The following BMPR1A variants were observed in gnomAD, a reference collection of about 807,000 sequenced individuals.
The protein encoded by BMPR1A is bone morphogenetic protein receptor type 1A, also known as bone morphogenetic protein receptor type-1A.
In BMPR1A, 7 loss-of-function variants were observed where a neutral mutation model predicts 66.0. The ratio of observed to expected loss-of-function variants is 0.11; its 90% confidence interval spans 0.06 to 0.20. BMPR1A has a LOEUF of 0.20. Among genes scored for constraint, BMPR1A ranks in the 10% least tolerant of loss-of-function variants. The probability of loss-of-function intolerance (pLI) is 1.00; values close to 1 mark genes in which losing one functional copy is unlikely to be tolerated. For missense variants in BMPR1A, 408 were observed against 669.1 expected (o/e 0.61, Z 4.31); for synonymous variants, 200 against 229.7 (o/e 0.87, Z 1.17).
At chr10:86,800,250 A>G (rs1203534417) in intron 1 of BMPR1A, among the ~76,000 whole-genome samples, 1 of 152,182 alleles carries the variant, frequency 6.6e-6, no homozygotes, top group Non-Finnish European at 1.5e-5. Flanking sequence ...GGAGCTAAGT[A>G]GGCTGTTCTC....
At chr10:86,789,968 A>T (rs932687603) in intron 1 of BMPR1A, among the ~76,000 whole-genome samples, 3 of 150,294 alleles carry the variant, frequency 2.0e-5, no homozygotes, top group Non-Finnish European at 1.5e-5. Flanking sequence ...CATCCTGGCT[A>T]ACACAGCGAA....
chr10:86,868,695 A>C (rs117074875), intron 2 of BMPR1A, among the ~76,000 whole-genome samples: 55 of 151,994 alleles, frequency 3.6e-4, no homozygotes, highest in Middle Eastern at 6.9e-3. Flanking sequence ...AGTGAAAATC[A>C]ACGGTGGGGG....
chr10:86,866,836 TTG>T (rs1261331396), intron 2 of BMPR1A, among the ~76,000 whole-genome samples: 1 of 152,182 alleles, frequency 6.6e-6, no homozygotes, highest in Non-Finnish European at 1.5e-5. Flanking sequence ...GGGTGTTAGT[TTG>T]TCATATATAC....
At chr10:86,807,006 C>T (rs1841896985) in intron 1 of BMPR1A, among the ~76,000 whole-genome samples, 1 of 151,976 alleles carries the variant, frequency 6.6e-6, no homozygotes, top group Non-Finnish European at 1.5e-5. Context: ...ATGTTCCAGG[C>T]TTCTATAGGA....
intron 2 of BMPR1A, among the ~76,000 whole-genome samples, chr10:86,863,131 C>T (rs11202234): frequency 0.016 from 2,360 of 152,090 alleles, 66 homozygotes; most frequent in African/African-American, 0.055. Flanking sequence ...GCACCCACCA[C>T]CAGGCCTGGC....
chr10:86,832,292 C>T (rs567374351), intron 1 of BMPR1A, among the ~76,000 whole-genome samples: 2 of 152,024 alleles, frequency 1.3e-5, no homozygotes, highest in African/African-American at 4.8e-5. Flanking sequence ...ATGGTGAAAC[C>T]CTGTCTCTAC....
chr10:86,869,593 C>T (rs1842827936), intron 2 of BMPR1A, among the ~76,000 whole-genome samples: 2 of 151,842 alleles, frequency 1.3e-5, no homozygotes, highest in African/African-American at 4.8e-5. Context: ...TCCATCTCTA[C>T]TAATAATACA....
intron 7 of BMPR1A, among the ~76,000 whole-genome samples, chr10:86,910,513 C>T (rs992377846): frequency 2.6e-5 from 4 of 152,056 alleles, no homozygotes; most frequent in Admixed American, 1.3e-4. Context: ...TCCAGATTAC[C>T]AGAGAAACCA....
intron 1 of BMPR1A, among the ~76,000 whole-genome samples, chr10:86,805,114 G>A (rs548129868): frequency 6.6e-6 from 1 of 151,908 alleles, no homozygotes; most frequent in Non-Finnish European, 1.5e-5. Context: ...TATAGGATTA[G>A]GCCCTACCCT....
At chr10:86,875,508 T>C (rs1842910309) in intron 2 of BMPR1A, among the ~76,000 whole-genome samples, 5 of 152,248 alleles carry the variant, frequency 3.3e-5, no homozygotes, top group Admixed American at 3.3e-4. Context: ...AGAATGTTGA[T>C]GGTTACCCTT....
chr10:86,858,949 G>A (rs1842679340), intron 2 of BMPR1A, among the ~76,000 whole-genome samples: 1 of 152,104 alleles, frequency 6.6e-6, no homozygotes, highest in Non-Finnish European at 1.5e-5. Context: ...GGACCATAAA[G>A]GACTGCAAAT....
At chr10:86,757,908 T>C (rs1317869978) in intron 1 of BMPR1A, among the ~76,000 whole-genome samples, 1 of 152,216 alleles carries the variant, frequency 6.6e-6, no homozygotes, top group African/African-American at 2.4e-5. Flanking sequence ...CAAACACTTT[T>C]ACGTTTAGGA....
At chr10:86,790,294 A>T (rs1589717432) in intron 1 of BMPR1A, among the ~76,000 whole-genome samples, 1 of 146,908 alleles carries the variant, frequency 6.8e-6, no homozygotes, top group East Asian at 2.0e-4. Flanking sequence ...TCAAAAAGAT[A>T]GATAATAACA....
intron 1 of BMPR1A, among the ~76,000 whole-genome samples, chr10:86,801,209 G>A (rs191361031): frequency 1.3e-3 from 202 of 152,150 alleles, no homozygotes; most frequent in Middle Eastern, 3.4e-3. Flanking sequence ...GTGCTATCAC[G>A]GGCTCACTGG....
intron 1 of BMPR1A, among the ~76,000 whole-genome samples, chr10:86,774,940 A>G (rs997879777): frequency 6.6e-6 from 1 of 152,238 alleles, no homozygotes; most frequent in Admixed American, 6.5e-5. Flanking sequence ...GTAATTTTCT[A>G]CCTGGGGCGT....
intron 2 of BMPR1A, among the ~76,000 whole-genome samples, chr10:86,857,816 G>A (rs1428198920): frequency 4.8e-5 from 5 of 105,260 alleles, no homozygotes; most frequent in South Asian, 2.8e-4. Flanking sequence ...TACTTTATTC[G>A]TTTCTTTTTT....
chr10:86,838,091 A>AT (rs1255473292), intron 1 of BMPR1A, among the ~76,000 whole-genome samples: 2 of 152,186 alleles, frequency 1.3e-5, no homozygotes, highest in African/African-American at 4.8e-5. Flanking sequence ...AGATTGAATG[A>AT]TTTTTAAGAT....
chr10:86,884,888 G>A (rs1210204151), intron 3 of BMPR1A, among the ~76,000 whole-genome samples: 1 of 152,110 alleles, frequency 6.6e-6, no homozygotes, highest in East Asian at 1.9e-4. Flanking sequence ...TTTGATTAAT[G>A]TTAACTGATT....
chr10:86,820,488 C>T (rs896757055), intron 1 of BMPR1A, among the ~76,000 whole-genome samples: 6 of 151,854 alleles, frequency 4.0e-5, no homozygotes, highest in Non-Finnish European at 5.9e-5. Flanking sequence ...TCGGCTGTTT[C>T]ACACGAAGTT....
Sources: gnomAD v4.1 joint callset for allele counts (sites outside exome capture counted in the v4.1 genomes callset) on GRCh38, gnomAD v4.1.1 for gene constraint, MANE v1.5 for transcripts, NCBI Gene and HGNC (gene_info 2026-07-23, HGNC 2026-07-21) for gene names.